RABGAP1: variants seen among roughly 807,000 people sequenced by gnomAD.
RABGAP1 encodes RAB GTPase activating protein 1.
In RABGAP1, 23 loss-of-function variants were observed where a neutral mutation model predicts 137.6. That is an observed-to-expected ratio of 0.17 (90% CI 0.12 to 0.24). RABGAP1 has a LOEUF of 0.24. Among genes scored for constraint, RABGAP1 ranks in the 10% least tolerant of loss-of-function variants. The probability of loss-of-function intolerance (pLI) is 1.00; values close to 1 mark genes in which losing one functional copy is unlikely to be tolerated. For synonymous variants in RABGAP1, 451 were observed against 450.7 expected (o/e 1.00, Z -0.01); for missense variants, 906 against 1,275.8 (o/e 0.71, Z 4.42).
intron 13 of RABGAP1, 139 bp downstream of exon 13, chr9:123,020,598 A>C (rs772633566): frequency 2.6e-4 from 248 of 951,242 alleles, no homozygotes; most frequent in Non-Finnish European, 3.2e-4. Flanking sequence ...TCCAGCTCTA[A>C]CATGTTTTTT....
intron 6 of RABGAP1, among the ~76,000 whole-genome samples, chr9:122,994,565 T>C: frequency 6.6e-6 from 1 of 152,330 alleles, no homozygotes; most frequent in South Asian, 2.1e-4. Flanking sequence ...TTAGTATAAA[T>C]AGTAATAAAG....
chr9:123,081,634 G>T (rs776350979), intron 19 of RABGAP1, among the ~76,000 whole-genome samples: 6 of 151,892 alleles, frequency 4.0e-5, no homozygotes, highest in Non-Finnish European at 5.9e-5. Context: ...GTAGAGACAA[G>T]GTCTCTTTGT....
chr9:122,989,581 C>A, intron 5 of RABGAP1, 110 bp downstream of exon 5: 2 of 1,225,286 alleles, frequency 1.6e-6, no homozygotes, highest in Non-Finnish European at 2.3e-6. Flanking sequence ...ATGAAATTCT[C>A]TGCTATTGTT....
At position 123,070,533 on chromosome 9, in the gene RABGAP1, T is replaced by A; in HGVS notation, c.1983+109T>A. On this transcript the variant is annotated intron_variant, in intron 15 of 25. Coordinates refer to ENST00000373647, the MANE Select transcript of RABGAP1 (RefSeq NM_012197.4). The surrounding 1 kb of genome is among the most constrained non-coding windows in gnomAD (Gnocchi z 4.4). The stretch of plus-strand genomic sequence containing the variant: ...TGGGTTTGGACAGACTCTTAAGGCA[T>A]GAATTTTAACACCTATAGCTGGAAA... The A allele has an allele frequency of 6.6e-7, 1 of 1,517,782 alleles. No individual in the cohort carries two copies. The highest frequency in any genetic ancestry group is 8.8e-7 in the Non-Finnish European group (1 of 1,135,828). The allele number at this position is 1,517,782 out of a possible 1,614,324, so 94.0% of individuals were successfully genotyped here.
intron 13 of RABGAP1, among the ~76,000 whole-genome samples, chr9:123,060,796 A>C (rs2033940912): frequency 6.6e-6 from 1 of 152,244 alleles, no homozygotes; most frequent in Non-Finnish European, 1.5e-5. Context: ...CGTGTACTAC[A>C]CTGCATAGAC....
intron 10 of RABGAP1, among the ~76,000 whole-genome samples, chr9:123,008,993 G>T (rs1306891283): frequency 2.0e-5 from 3 of 152,190 alleles, no homozygotes; most frequent in Non-Finnish European, 4.4e-5. Context: ...ATAGTAAGTA[G>T]CTAAGTCAAA....
intron 13 of RABGAP1, among the ~76,000 whole-genome samples, chr9:123,046,750 A>G (rs2033225717): frequency 6.6e-6 from 1 of 152,258 alleles, no homozygotes; most frequent in South Asian, 2.1e-4. Flanking sequence ...GAATAAATTC[A>G]GAAAGATAAA....
At chr9:122,977,623 T>C (rs1011284326) in intron 2 of RABGAP1, among the ~76,000 whole-genome samples, 4 of 152,116 alleles carry the variant, frequency 2.6e-5, no homozygotes, top group Non-Finnish European at 5.9e-5. Flanking sequence ...TGAGAATCGC[T>C]TGAACCCAGG....
intron 13 of RABGAP1, among the ~76,000 whole-genome samples, chr9:123,058,974 C>G (rs1378225710): frequency 1.3e-5 from 2 of 152,144 alleles, no homozygotes; most frequent in African/African-American, 4.8e-5. Context: ...TCCTGGGTGC[C>G]TTTGTCAGCA....
chr9:123,089,970 G>C, intron 20 of RABGAP1, 120 bp downstream of exon 20: 1 of 935,690 alleles, frequency 1.1e-6, no homozygotes, highest in South Asian at 1.7e-5. Context: ...GTTCAGGTTT[G>C]AGTTTGCAAA....
chr9:123,020,108 A>G lies in RABGAP1; in HGVS notation c.1644-201A>G, dbSNP rs187957202. On this transcript the variant is annotated intron_variant, in intron 12 of 25. Transcript: ENST00000373647. ...ACTTAAGAAGCCTTTTGCAGAATCT[A>G]TGTGGATTTTTATTTTCTTCCACCC... 4.0e-5 allele frequency among the ~76,000 whole-genome samples: 6 copies of G among 150,352 alleles called. No individual in the cohort carries two copies. The East Asian group carries it at 6.0e-4, about 15-fold the overall frequency.
intron 13 of RABGAP1, chr9:123,062,075 C>T (rs1203470178): frequency 6.6e-6 from 1 of 152,204 alleles, no homozygotes; most frequent in African/African-American, 2.4e-5. Flanking sequence ...GAAAACCAGC[C>T]TGACCAACGT....
At chr9:123,059,496 G>C (rs924439438) in intron 13 of RABGAP1, among the ~76,000 whole-genome samples, 2 of 152,008 alleles carry the variant, frequency 1.3e-5, no homozygotes, top group African/African-American at 4.8e-5. Flanking sequence ...CGGAGGTTGC[G>C]GTGAGGCGAG....
chr9:123,081,650 C>T (rs1354852456), intron 19 of RABGAP1, among the ~76,000 whole-genome samples: 5 of 151,898 alleles, frequency 3.3e-5, no homozygotes, highest in African/African-American at 1.2e-4. Context: ...TTTGTGTTGC[C>T]CAGGCTGGTC....
chr9:123,070,552 C>T lies in RABGAP1; in HGVS notation c.1983+128C>T. On this transcript the variant is annotated intron_variant, in intron 15 of 25. Transcript: ENST00000373647. This position sits in a 1 kb window ranked among gnomAD's most constrained non-coding sequence, Gnocchi z 4.4. Reference sequence around the variant, plus strand: ...AAGGCATGAATTTTAACACCTATAGCTGGAAACTTTTTCCTTAAATTAACT... The same window carrying T: ...AAGGCATGAATTTTAACACCTATAGTTGGAAACTTTTTCCTTAAATTAACT... 6.9e-7 allele frequency: 1 copy of T among 1,455,076 alleles called. No homozygotes were observed. The highest frequency in any genetic ancestry group is 9.1e-7 in the Non-Finnish European group (1 of 1,103,894). 90.1% of individuals were successfully genotyped at this position (1,455,076 alleles called of 1,614,324 possible). A position where few individuals can be genotyped will look rare whatever the true frequency, so the allele number is the denominator to read the frequency against.
At chr9:122,983,778 GTTT>G (rs1329399977) in intron 2 of RABGAP1, among the ~76,000 whole-genome samples, 1 of 152,102 alleles carries the variant, frequency 6.6e-6, no homozygotes, top group East Asian at 1.9e-4. Flanking sequence ...GTCACTTGTG[GTTT>G]TCCTTGGCAT....
At chr9:122,963,759 A>AAAG (rs35564998) in intron 2 of RABGAP1, among the ~76,000 whole-genome samples, 94,747 of 151,818 alleles carry the variant, frequency 0.62, 36,668 homozygotes, top group Non-Finnish European at 0.86. Flanking sequence ...AAGGAAAATA[A>AAAG]AAGAACAGAA....
At chr9:123,060,729 T>C (rs2033937274) in intron 13 of RABGAP1, among the ~76,000 whole-genome samples, 2 of 152,252 alleles carry the variant, frequency 1.3e-5, no homozygotes, top group South Asian at 4.1e-4. Flanking sequence ...ACTGTTTATT[T>C]TGCTGCTTGA....
chr9:122,957,137 C>G lies in RABGAP1; in HGVS notation c.78C>G (p.Val26=). 14 of 1,572,048 alleles carry G rather than the reference C, an allele frequency of 8.9e-6. No individual in the cohort carries two copies. Among genetic ancestry groups the G allele is most frequent in the Non-Finnish European group, 1.2e-5 (14 of 1,150,862 alleles). ...SVSTLNSEDF[V]LVSRQGDETP... ...CTACTCTTAATAGTGAAGATTTTGT[C>G]TTGGTTTCCAGGCAAGGAGATGAGA... is the stretch of plus-strand genomic sequence containing the variant. The change falls in exon 2 of 26, where the codon GTC becomes GTG. Residue 26 remains valine (V), a synonymous_variant. Transcript: ENST00000373647.
Sources: allele counts gnomAD v4.1 joint callset (sites outside exome capture counted in the v4.1 genomes callset), GRCh38; gene constraint gnomAD v4.1.1; non-coding constraint Gnocchi (gnomAD v3.1); transcripts MANE v1.5; gene names NCBI Gene and HGNC (gene_info 2026-07-23, HGNC 2026-07-21).